The following PCED1B variants were observed in gnomAD, a reference collection of about 807,000 sequenced individuals.
The protein encoded by PCED1B is PC-esterase domain-containing protein 1B.
For synonymous variants in PCED1B, 251 were observed against 246.1 expected, an observed-to-expected ratio of 1.02 and a Z score of -0.19; for missense variants, 573 against 573.9, an observed-to-expected ratio of 1.00 and a Z score of 0.02.
intron 3 of PCED1B, among the ~76,000 whole-genome samples, chr12:47,231,761 C>G (rs712102): frequency 0.13 from 19,569 of 152,166 alleles, 1,316 homozygotes; most frequent in African/African-American, 0.16. Flanking sequence ...ATTAGATCTG[C>G]CAGCTTCCGG....
chr12:47,161,020 T>C (rs953550516), intron 2 of PCED1B, among the ~76,000 whole-genome samples: 2 of 152,210 alleles, frequency 1.3e-5, no homozygotes, highest in African/African-American at 4.8e-5. Flanking sequence ...CCACTTCCCC[T>C]TTGACCTTCC....
At chr12:47,159,856 G>A (rs1248763955) in intron 2 of PCED1B, among the ~76,000 whole-genome samples, 2 of 152,160 alleles carry the variant, frequency 1.3e-5, no homozygotes, top group Non-Finnish European at 2.9e-5. Flanking sequence ...TCTTCTAGTA[G>A]TTTTATAGTT....
intron 2 of PCED1B, among the ~76,000 whole-genome samples, chr12:47,168,111 G>C (rs1040077066): frequency 1.3e-5 from 2 of 152,186 alleles, no homozygotes; most frequent in Admixed American, 1.3e-4. Context: ...CTATATTCTG[G>C]AAAAGTACCA....
At chr12:47,108,684 G>T (rs925638338) in intron 2 of PCED1B, among the ~76,000 whole-genome samples, 1 of 152,124 alleles carries the variant, frequency 6.6e-6, no homozygotes, top group Non-Finnish European at 1.5e-5. Flanking sequence ...TTTAGAATCA[G>T]TCCAAGGCCA....
intron 2 of PCED1B, among the ~76,000 whole-genome samples, chr12:47,145,600 T>C (rs1940755480): frequency 6.6e-6 from 1 of 152,224 alleles, no homozygotes. Context: ...TTTAGCATTC[T>C]GAAAATCCTA....
intron 2 of PCED1B, among the ~76,000 whole-genome samples, chr12:47,137,508 T>C (rs747230041): frequency 1.3e-5 from 2 of 151,970 alleles, no homozygotes; most frequent in Non-Finnish European, 2.9e-5. Flanking sequence ...AAAGCTATTC[T>C]GTCTTTCAAA....
At chr12:47,226,868 TA>T (rs1471858826) in intron 3 of PCED1B, among the ~76,000 whole-genome samples, 2 of 152,218 alleles carry the variant, frequency 1.3e-5, no homozygotes, top group Admixed American at 6.5e-5. Flanking sequence ...TTTTTTGTTT[TA>T]TTTTTTATAA....
intron 1 of PCED1B, among the ~76,000 whole-genome samples, chr12:47,085,494 ATTTTC>A (rs1937935543): frequency 6.6e-6 from 1 of 152,142 alleles, no homozygotes; most frequent in African/African-American, 2.4e-5. Context: ...TCATTGCAGT[ATTTTC>A]TTAATGTGCA....
intron 2 of PCED1B, among the ~76,000 whole-genome samples, chr12:47,214,173 G>A (rs144471170): frequency 2.5e-3 from 379 of 152,260 alleles, no homozygotes; most frequent in African/African-American, 8.6e-3. Context: ...AACTCATGGG[G>A]AACTGCAAGA....
intron 2 of PCED1B, among the ~76,000 whole-genome samples, chr12:47,125,056 T>C (rs1939831810): frequency 6.6e-6 from 1 of 151,986 alleles, no homozygotes; most frequent in African/African-American, 2.4e-5. Context: ...GTGGAGGGTA[T>C]TTTTGGTGTC....
rs188116352 is a variant in PCED1B at position 47,090,463 on chromosome 12, C to T, written c.-609+10738C>T. 1.8e-3 allele frequency among the ~76,000 whole-genome samples: 277 copies of T among 152,250 alleles called. 2 individuals carry two copies. Among genetic ancestry groups the T allele is most frequent in the African/African-American group, 6.3e-3 (263 of 41,554 alleles). On this transcript the variant is annotated intron_variant, in intron 1 of 3. Coordinates refer to ENST00000546455, the MANE Select transcript of PCED1B (RefSeq NM_138371.3). ...AATCCTTCTGATGGAATGCAAAATT[C>T]CAACAAAGACAATCATGAGGCAAGA...
chr12:47,092,925 T>A (rs1193246114), intron 1 of PCED1B, among the ~76,000 whole-genome samples: 1 of 152,104 alleles, frequency 6.6e-6, no homozygotes, highest in Non-Finnish European at 1.5e-5. Flanking sequence ...AAGTAATGTT[T>A]ATGAGAAAGA....
At chr12:47,225,886 A>G (rs1943617748) in intron 3 of PCED1B, among the ~76,000 whole-genome samples, 1 of 152,222 alleles carries the variant, frequency 6.6e-6, no homozygotes, top group African/African-American at 2.4e-5. Flanking sequence ...GTAACTAAAG[A>G]TCAAAAAGAA....
intron 2 of PCED1B, among the ~76,000 whole-genome samples, chr12:47,185,794 A>C (rs1454016788): frequency 4.8e-5 from 1 of 20,812 alleles, no homozygotes; most frequent in African/African-American, 1.6e-4. Flanking sequence ...CTCAGTCTCA[A>C]AAAAAAAAAA....
At chr12:47,163,606 CTTGT>C (rs1941456805) in intron 2 of PCED1B, among the ~76,000 whole-genome samples, 1 of 152,050 alleles carries the variant, frequency 6.6e-6, no homozygotes, top group Non-Finnish European at 1.5e-5. Flanking sequence ...AGTTTGTTGA[CTTGT>C]TTTTTAATTA....
intron 2 of PCED1B, among the ~76,000 whole-genome samples, chr12:47,156,920 A>G (rs957029228): frequency 6.6e-6 from 1 of 152,116 alleles, no homozygotes; most frequent in African/African-American, 2.4e-5. Context: ...GACAAAAATA[A>G]TATCTACTTC....
At chr12:47,181,394 A>AT (rs1942092321) in intron 2 of PCED1B, among the ~76,000 whole-genome samples, 1 of 146,340 alleles carries the variant, frequency 6.8e-6, no homozygotes, top group Non-Finnish European at 1.5e-5. Context: ...TTTGAGATGG[A>AT]TTTTCACTCT....
intron 2 of PCED1B, among the ~76,000 whole-genome samples, chr12:47,197,041 C>T (rs868276577): frequency 6.7e-6 from 1 of 150,276 alleles, no homozygotes; most frequent in African/African-American, 2.4e-5. Context: ...AGATGATAGA[C>T]CAGCCTGACC....
rs745754589 is a variant in PCED1B, at chr12:47,236,167, C to G, written c.1104C>G (p.Phe368Leu). 5.0e-6 allele frequency: 8 copies of G among 1,614,008 alleles called. No homozygotes were observed. The highest frequency in any genetic ancestry group is 1.7e-5 in the Admixed American group (1 of 60,002). The change falls in exon 4 of 4, where the codon TTC (phenylalanine) becomes TTG (leucine). Residue 368 changes from phenylalanine to leucine, a missense_variant. Coordinates refer to ENST00000546455, the MANE Select transcript of PCED1B (RefSeq NM_138371.3). ...CCTCATCAGCCCATGCAGGTTTCTTCGTCGAAGACAATTTTATGGTTGGTC... is the reference window on the plus strand; with the variant it reads ...CCTCATCAGCCCATGCAGGTTTCTTGGTCGAAGACAATTTTATGGTTGGTC... ...DVPSSAHAGF[F>L]VEDNFMVGPQ...
Sources: gnomAD v4.1 joint callset for allele counts (sites outside exome capture counted in the v4.1 genomes callset) on GRCh38, gnomAD v4.1.1 for gene constraint, MANE v1.5 for transcripts, NCBI Gene and HGNC (gene_info 2026-07-23, HGNC 2026-07-21) for gene names.